C8orf34: variants seen among roughly 807,000 people sequenced by gnomAD.
The protein encoded by C8orf34 is chromosome 8 open reading frame 34.
In C8orf34, 65 loss-of-function variants were observed where a neutral mutation model predicts 68.3. The ratio of observed to expected loss-of-function variants is 0.95; its 90% CI spans 0.78 to 1.17. The LOEUF (loss-of-function observed/expected upper bound fraction) is 1.17, where lower values mean the gene tolerates loss of function less well. C8orf34 is among the 50% of genes most tolerant of loss of function. C8orf34 has a pLI of 0.00. For missense variants in C8orf34, 664 were observed against 655.4 expected, an observed-to-expected ratio of 1.01 and a Z score of -0.14; for synonymous variants, 244 against 241.2, an observed-to-expected ratio of 1.01 and a Z score of -0.11.
At chr8:68,633,002 G>A (rs114703505) in intron 7 of C8orf34, among the ~76,000 whole-genome samples, 87 of 152,292 alleles carry the variant, frequency 5.7e-4, no homozygotes, top group African/African-American at 2.0e-3. Context: ...TTAGAAAACT[G>A]CAGGAAATGG....
At chr8:68,637,382 G>A (rs1585652735) in intron 7 of C8orf34, among the ~76,000 whole-genome samples, 1 of 152,098 alleles carries the variant, frequency 6.6e-6, no homozygotes, top group African/African-American at 2.4e-5. Flanking sequence ...GCTTGCATCA[G>A]AGTTAAAATT....
chr8:68,756,503 G>T (rs769724964), intron 10 of C8orf34, among the ~76,000 whole-genome samples: 1 of 152,118 alleles, frequency 6.6e-6, no homozygotes, highest in Admixed American at 6.5e-5. Flanking sequence ...TAACGGGTAG[G>T]GGGTGGGAGG....
At chr8:68,483,300 A>C (rs2129631211) in intron 4 of C8orf34, among the ~76,000 whole-genome samples, 1 of 152,220 alleles carries the variant, frequency 6.6e-6, no homozygotes, top group South Asian at 2.1e-4. Context: ...ATGCAAATGT[A>C]CCCCCAAAAG....
intron 4 of C8orf34, among the ~76,000 whole-genome samples, chr8:68,474,844 G>A (rs1449279312): frequency 6.6e-6 from 1 of 152,178 alleles, no homozygotes; most frequent in African/African-American, 2.4e-5. Flanking sequence ...CTAACTACAA[G>A]GGAGCTGGAA....
intron 3 of C8orf34, chr8:68,447,394 A>G (rs567332905): frequency 6.6e-6 from 1 of 152,276 alleles, no homozygotes; most frequent in African/African-American, 2.4e-5. Flanking sequence ...TTCTCTCTCA[A>G]TGGCCTACTG....
chr8:68,701,536 C>A (rs774764171), intron 8 of C8orf34, among the ~76,000 whole-genome samples: 1 of 151,874 alleles, frequency 6.6e-6, no homozygotes, highest in Non-Finnish European at 1.5e-5. Flanking sequence ...CGCTCTTTCA[C>A]CCCCGAAGTC....
intron 7 of C8orf34, among the ~76,000 whole-genome samples, chr8:68,631,059 G>A (rs1252809551): frequency 1.3e-5 from 2 of 151,246 alleles, no homozygotes; most frequent in South Asian, 2.1e-4. Flanking sequence ...GAGGTCAGGA[G>A]TTGGAGACCA....
At chr8:68,353,589 T>C (rs1483560793) in intron 1 of C8orf34, among the ~76,000 whole-genome samples, 1 of 147,618 alleles carries the variant, frequency 6.8e-6, no homozygotes, top group East Asian at 2.0e-4. Context: ...ACACAGTTGA[T>C]GTATATATAT....
At chr8:68,461,646 T>G (rs1811833582) in intron 3 of C8orf34, among the ~76,000 whole-genome samples, 1 of 152,138 alleles carries the variant, frequency 6.6e-6, no homozygotes, top group Non-Finnish European at 1.5e-5. Flanking sequence ...TCAACATTGT[T>G]AAAGAAAAGA....
chr8:68,745,454 G>A (rs2129527406), intron 10 of C8orf34, among the ~76,000 whole-genome samples: 1 of 152,254 alleles, frequency 6.6e-6, no homozygotes, highest in Non-Finnish European at 1.5e-5. Flanking sequence ...TGGATAAAGA[G>A]TCAAGACCCA....
chr8:68,756,602 G>C (rs4128613), intron 10 of C8orf34, among the ~76,000 whole-genome samples: 48,163 of 151,578 alleles, frequency 0.32, 8,875 homozygotes, highest in African/African-American at 0.49. Context: ...TAAATAATAT[G>C]TTACTTAAGT....
At chr8:68,565,579 G>A (rs1353831136) in intron 7 of C8orf34, among the ~76,000 whole-genome samples, 3 of 152,172 alleles carry the variant, frequency 2.0e-5, no homozygotes, top group African/African-American at 7.2e-5. Flanking sequence ...GTGCCCTTTA[G>A]AAGCTAAAAT....
At chr8:68,688,257 A>T (rs564664946) in intron 8 of C8orf34, among the ~76,000 whole-genome samples, 87 of 152,248 alleles carry the variant, frequency 5.7e-4, no homozygotes, top group Non-Finnish European at 9.0e-4. Context: ...ACTACTGGGT[A>T]TCTATTCAAA....
chr8:68,662,928 G>A (rs1422408632), intron 8 of C8orf34, among the ~76,000 whole-genome samples: 2 of 152,092 alleles, frequency 1.3e-5, no homozygotes, highest in African/African-American at 2.4e-5. Context: ...TGCCTCTTTG[G>A]CATAGAGATT....
chr8:68,589,221 T>C (rs1164630424), intron 7 of C8orf34, among the ~76,000 whole-genome samples: 3 of 152,340 alleles, frequency 2.0e-5, no homozygotes, highest in South Asian at 4.1e-4. Context: ...AATATTATCT[T>C]TCTGTCTATC....
intron 1 of C8orf34, among the ~76,000 whole-genome samples, chr8:68,430,815 C>T (rs1810422226): frequency 1.3e-5 from 2 of 152,162 alleles, no homozygotes; most frequent in South Asian, 4.2e-4. Flanking sequence ...CAAGTCGTTT[C>T]CTTATCTTGA....
chr8:68,486,993 A>AG (rs1182518819), intron 4 of C8orf34, among the ~76,000 whole-genome samples: 1 of 152,212 alleles, frequency 6.6e-6, no homozygotes, highest in Admixed American at 6.5e-5. Flanking sequence ...GCCCTGCCAC[A>AG]GTGCTGAAGT....
intron 1 of C8orf34, among the ~76,000 whole-genome samples, chr8:68,414,248 A>G (rs1809567402): frequency 6.6e-6 from 1 of 152,048 alleles, no homozygotes; most frequent in Non-Finnish European, 1.5e-5. Flanking sequence ...GATTGATTTG[A>G]TTATATATTT....
chr8:68,477,159 T>C (rs1302118309), intron 4 of C8orf34, among the ~76,000 whole-genome samples: 1 of 152,214 alleles, frequency 6.6e-6, no homozygotes, highest in Non-Finnish European at 1.5e-5. Context: ...AGATCACATG[T>C]CATATTATTG....
Sources: allele counts gnomAD v4.1 joint callset (sites outside exome capture counted in the v4.1 genomes callset), GRCh38; gene constraint gnomAD v4.1.1; transcripts MANE v1.5; gene names NCBI Gene and HGNC (gene_info 2026-07-23, HGNC 2026-07-21).